The following IL1R1 variants were observed in gnomAD, a reference collection of about 807,000 sequenced individuals.
IL1R1 encodes the protein interleukin 1 receptor type 1, also known as interleukin-1 receptor type 1.
In IL1R1, 22 loss-of-function variants were observed where a neutral mutation model predicts 50.2. That is an observed-to-expected ratio of 0.44 (90% confidence interval 0.31 to 0.63). IL1R1 has a LOEUF of 0.63. Ranked by LOEUF, IL1R1 falls within the 20% of genes least tolerant of loss-of-function variation. The pLI is 0.07. For synonymous variants in IL1R1, 251 were observed against 236.7 expected (o/e 1.06, Z -0.55); for missense variants, 509 against 676.2 (o/e 0.75, Z 2.74).
chr2:102,123,540 C>G (rs1044455904), intron 1 of IL1R1, among the ~76,000 whole-genome samples: 25 of 152,162 alleles, frequency 1.6e-4, no homozygotes, highest in African/African-American at 6.0e-4. Flanking sequence ...CTTTGGGAGG[C>G]CAAGGCAGAC....
chr2:102,155,098 T>C (rs920395042), intron 2 of IL1R1, among the ~76,000 whole-genome samples: 5 of 152,250 alleles, frequency 3.3e-5, no homozygotes, highest in Admixed American at 6.5e-5. Flanking sequence ...ATTTGATGTA[T>C]GATTGTTGAA....
chr2:102,167,713 G>C (rs555630430), intron 6 of IL1R1, among the ~76,000 whole-genome samples: 2 of 152,204 alleles, frequency 1.3e-5, no homozygotes, highest in African/African-American at 4.8e-5. Context: ...CTCCTTAAGT[G>C]CTGGGATTAC....
chr2:102,174,861 T>A, intron 10 of IL1R1, 131 bp downstream of exon 10: 1 of 639,334 alleles, frequency 1.6e-6, no homozygotes. Context: ...AGAATACTAG[T>A]TATTCTTACA....
upstream of IL1R1, among the ~76,000 whole-genome samples, chr2:102,140,469 AC>A (rs535018414): frequency 7.9e-4 from 120 of 152,256 alleles, 1 homozygote; most frequent in Middle Eastern, 3.4e-3. Context: ...GGAGGGAGAC[AC>A]CCCGGAAGGT....
At chr2:102,124,103 T>C (rs946031940) in intron 1 of IL1R1, among the ~76,000 whole-genome samples, 3 of 152,062 alleles carry the variant, frequency 2.0e-5, no homozygotes, top group Admixed American at 6.5e-5. Context: ...GACACCTGTA[T>C]TAGTCTGTTT....
intron 1 of IL1R1, among the ~76,000 whole-genome samples, chr2:102,073,663 C>T (rs1420084503): frequency 6.6e-6 from 1 of 152,116 alleles, no homozygotes; most frequent in Non-Finnish European, 1.5e-5. Context: ...ATACTCAGGG[C>T]TCTTTCTTGG....
intron 3 of IL1R1, among the ~76,000 whole-genome samples, chr2:102,164,350 G>A (rs1272558798): frequency 1.3e-5 from 2 of 151,978 alleles, no homozygotes; most frequent in African/African-American, 2.4e-5. Flanking sequence ...TTTCTTCTCC[G>A]TCTTTCTGGG....
chr2:102,157,655 T>C, intron 2 of IL1R1, 64 bp from the exon 3 acceptor site: 4 of 1,049,410 alleles, frequency 3.8e-6, no homozygotes, highest in Non-Finnish European at 5.9e-6. Flanking sequence ...TATTTAGTTT[T>C]AGAGATTTGC....
chr2:102,094,582 A>C (rs556022027), intron 1 of IL1R1, among the ~76,000 whole-genome samples: 1 of 152,306 alleles, frequency 6.6e-6, no homozygotes, highest in South Asian at 2.1e-4. Context: ...GCTATAACTC[A>C]TAGGCTACTT....
intron 1 of IL1R1, among the ~76,000 whole-genome samples, chr2:102,112,311 C>T (rs955180595): frequency 2.7e-5 from 4 of 148,024 alleles, no homozygotes; most frequent in African/African-American, 1.0e-4. Flanking sequence ...TGGGGATTAA[C>T]GTGTGTGTGT....
At chr2:102,127,586 A>G (rs1681785968) in intron 1 of IL1R1, among the ~76,000 whole-genome samples, 1 of 151,986 alleles carries the variant, frequency 6.6e-6, no homozygotes, top group Admixed American at 6.6e-5. Context: ...TATATATAGT[A>G]AGTCAGATGG....
intron 1 of IL1R1, among the ~76,000 whole-genome samples, chr2:102,133,581 C>G (rs533922732): frequency 1.3e-5 from 2 of 152,180 alleles, no homozygotes; most frequent in Admixed American, 1.3e-4. Context: ...GGTATTATCC[C>G]AAGAATGTAA....
intron 1 of IL1R1, among the ~76,000 whole-genome samples, chr2:102,095,931 A>C (rs1679882887): frequency 6.6e-6 from 1 of 152,050 alleles, no homozygotes; most frequent in Admixed American, 6.6e-5. Flanking sequence ...TGAACCCGGG[A>C]GGCGGAGCTT....
rs188033031 is a variant in IL1R1 at position 102,094,477 on chromosome 2, C to A, written c.-84+23944C>A. 2.0e-5 allele frequency among the ~76,000 whole-genome samples: 3 copies of A among 152,300 alleles called. No individual in the cohort carries two copies. The East Asian group carries it at 5.8e-4, about 29-fold the overall frequency. Reference sequence around the variant, plus strand: ...AATATGTTCCTACATGAGATACAAGCTATTCTTGCTAACAGTACAAATTCT... The same window carrying A: ...AATATGTTCCTACATGAGATACAAGATATTCTTGCTAACAGTACAAATTCT... On this transcript the variant is annotated intron_variant, in intron 1 of 11. Transcript: ENST00000409929.
rs1036427126 is a variant in IL1R1, at chr2:102,119,752, A to G, written c.-84+14880A>G. 5.3e-5 allele frequency among the ~76,000 whole-genome samples: 8 copies of G among 152,302 alleles called. 1 individual carries two copies. In the East Asian group the frequency reaches 1.5e-3, roughly 29 times the overall value. On this transcript the variant is annotated intron_variant, in intron 1 of 10. Transcript: ENST00000409329. ...TACACATTATGGAATGATCACCACA[A>G]TCAAGCTAACACATTCATCACCTTA...
intron 3 of IL1R1, among the ~76,000 whole-genome samples, chr2:102,160,181 C>T (rs978520084): frequency 2.6e-5 from 4 of 152,086 alleles, no homozygotes; most frequent in Admixed American, 6.6e-5. Context: ...ATTTCATTTA[C>T]GTTATTAAAT....
chr2:102,164,545 A>T (rs1357927555), intron 3 of IL1R1, among the ~76,000 whole-genome samples: 1 of 152,150 alleles, frequency 6.6e-6, no homozygotes, highest in Non-Finnish European at 1.5e-5. Flanking sequence ...GGGGTGAAGG[A>T]TGTTAAATAA....
intron 2 of IL1R1, among the ~76,000 whole-genome samples, chr2:102,157,024 A>G (rs1052826631): frequency 1.1e-4 from 16 of 152,202 alleles, no homozygotes; most frequent in Admixed American, 2.6e-4. Context: ...TACTCTAGAC[A>G]TTGCTCCTAA....
intron 5 of IL1R1, 43 bp from the exon 6 acceptor site, chr2:102,166,070 T>A: frequency 6.5e-7 from 1 of 1,543,440 alleles, no homozygotes; most frequent in Non-Finnish European, 8.9e-7. Context: ...TGGGGAAAGT[T>A]ATTGGTTATT....
Sources: gnomAD v4.1 joint callset for allele counts (sites outside exome capture counted in the v4.1 genomes callset) on GRCh38, gnomAD v4.1.1 for gene constraint, MANE v1.5 for transcripts, NCBI Gene and HGNC (gene_info 2026-07-23, HGNC 2026-07-21) for gene names.